The following PCDHGB5 variants were observed in gnomAD, a reference collection of about 807,000 sequenced individuals.
The protein encoded by PCDHGB5 is protocadherin gamma-B5.
Under a neutral mutation model 62.9 loss-of-function variants are expected in PCDHGB5, and 48 were observed. The ratio of observed to expected loss-of-function variants is 0.76; its 90% CI spans 0.61 to 0.97. PCDHGB5 has a LOEUF of 0.97. Among genes scored for constraint, PCDHGB5 ranks in the 50% least tolerant of loss-of-function variants. The probability of loss-of-function intolerance (pLI) is 0.00; values close to 1 mark genes in which losing one functional copy is unlikely to be tolerated. For missense variants in PCDHGB5, 1,118 were observed against 1,198.6 expected, an observed-to-expected ratio of 0.93 and a Z score of 0.99; for synonymous variants, 474 against 511.2, an observed-to-expected ratio of 0.93 and a Z score of 0.98.
intron 3 of PCDHGB5, among the ~76,000 whole-genome samples, chr5:141,508,646 G>A (rs1434098773): frequency 2.6e-5 from 4 of 152,014 alleles, no homozygotes; most frequent in African/African-American, 9.7e-5. Flanking sequence ...ACTCCGTCAG[G>A]CCCTTCCTGT....
intron 1 of PCDHGB5, chr5:141,404,979 G>A (rs771576875): frequency 6.2e-7 from 1 of 1,613,994 alleles, no homozygotes; most frequent in Non-Finnish European, 8.5e-7. Context: ...GCTGACCTGG[G>A]CAGTCTTCAG....
chr5:141,406,096 G>A (rs966441415), intron 1 of PCDHGB5, among the ~76,000 whole-genome samples: 1 of 150,800 alleles, frequency 6.6e-6, no homozygotes, highest in Non-Finnish European at 1.5e-5. Context: ...TTAAGAGATG[G>A]GGGTGTCATT....
At position 141,461,300 on chromosome 5, in the gene PCDHGB5, A is replaced by G. The variant is rs889981233; in HGVS notation, c.2398-33507A>G. Among the ~76,000 whole-genome samples, 10 of 152,106 alleles carry G rather than the reference A, an allele frequency of 6.6e-5. No individual in the cohort carries two copies. In the East Asian group the frequency reaches 1.4e-3, roughly 21 times the overall value. On this transcript the variant is annotated intron_variant, in intron 1 of 3. Transcript: ENST00000617380. The stretch of plus-strand genomic sequence containing the variant: ...TTTCCCCACATCCACACCAACATCT[A>G]TTGTTTTTTGACTTTTTAATAATGG...
intron 1 of PCDHGB5, among the ~76,000 whole-genome samples, chr5:141,434,345 G>C (rs1254991411): frequency 1.3e-5 from 2 of 152,144 alleles, no homozygotes; most frequent in African/African-American, 4.8e-5. Flanking sequence ...GTCGGGAACA[G>C]GCCCCCCAAA....
In PCDHGB5 at chr5:141,419,702, G is replaced by A. The variant is rs116279995; in HGVS notation, c.2397+19178G>A. 1.9e-3 allele frequency: 3,028 copies of A among 1,612,950 alleles called. 48 individuals are homozygous for A. In the African/African-American group the frequency reaches 0.033, roughly 18 times the overall value. The stretch of plus-strand genomic sequence containing the variant: ...CCACGTGGTGCAGGCCAGTGAGCCC[G>A]GGCTCTTCAGCCTGGGGCTGCGAAC... On this transcript the variant is annotated intron_variant, in intron 1 of 3. Transcript: ENST00000617380.
chr5:141,431,767 T>C lies in PCDHGB5; in HGVS notation c.2397+31243T>C. The C allele has an allele frequency of 1.2e-6, 2 of 1,614,224 alleles. No homozygotes were observed. Among genetic ancestry groups the C allele is most frequent in the Non-Finnish European group, 1.7e-6 (2 of 1,180,034 alleles). ...CTGCGCGAGCCAAAGTCCTGATCAC[T>C]GTTCTGGACGTGAACGACAATGCCC... On this transcript the variant is annotated intron_variant, in intron 1 of 3. Coordinates refer to ENST00000617380, the MANE Select transcript of PCDHGB5 (RefSeq NM_018925.3). This position sits in a 1 kb window ranked among gnomAD's most constrained non-coding sequence, Gnocchi z 4.8.
At chr5:141,401,833 TATA>T (rs947293983) in intron 1 of PCDHGB5, among the ~76,000 whole-genome samples, 12 of 152,238 alleles carry the variant, frequency 7.9e-5, no homozygotes, top group African/African-American at 2.9e-4. Context: ...TGAGATTTCT[TATA>T]ATACCACTTA....
At chr5:141,473,801 T>C (rs1593456345) in intron 1 of PCDHGB5, among the ~76,000 whole-genome samples, 1 of 152,226 alleles carries the variant, frequency 6.6e-6, no homozygotes, top group East Asian at 1.9e-4. Flanking sequence ...ATGATGCTAC[T>C]GAGGAGCAGC....
intron 1 of PCDHGB5, chr5:141,417,612 T>C: frequency 1.6e-6 from 1 of 617,852 alleles, no homozygotes; most frequent in Non-Finnish European, 2.6e-6. Flanking sequence ...CGTCGGCCAG[T>C]GCAGAGCAAG....
chr5:141,432,094 C>G lies in PCDHGB5; in HGVS notation c.2397+31570C>G. On this transcript the variant is annotated intron_variant, in intron 1 of 3. Transcript: ENST00000617380. This position sits in a 1 kb window ranked among gnomAD's most constrained non-coding sequence, Gnocchi z 6.0. ...ATATCTCGCTGAACGTGGCAGACAC[C>G]AACGACAACCCGCCGGTCTTCCCTC... The G allele has an allele frequency of 6.2e-7, 1 of 1,614,178 alleles. No homozygotes were observed. The highest frequency in any genetic ancestry group is 8.5e-7 in the Non-Finnish European group (1 of 1,180,046).
intron 1 of PCDHGB5, among the ~76,000 whole-genome samples, chr5:141,435,478 C>A (rs1279447863): frequency 6.6e-6 from 1 of 152,146 alleles, no homozygotes; most frequent in Non-Finnish European, 1.5e-5. Flanking sequence ...TTAGACATTT[C>A]TTTTGCCCAT....
In PCDHGB5 at chr5:141,477,229, C is replaced by G. The variant is rs1376731101; in HGVS notation, c.2398-17578C>G. The G allele has an allele frequency of 6.2e-7, 1 of 1,614,222 alleles. No homozygotes were observed. The highest frequency in any genetic ancestry group is 8.5e-7 in the Non-Finnish European group (1 of 1,180,052). On this transcript the variant is annotated intron_variant, in intron 1 of 3. Transcript: ENST00000617380. This position sits in a 1 kb window ranked among gnomAD's most constrained non-coding sequence, Gnocchi z 4.9. ...AGGATGCCCCTCTGGGGACTGTCAT[C>G]GCTTTGCTCAGTGTGACTGACCTGG...
chr5:141,415,966 C>G, intron 1 of PCDHGB5: 1 of 405,604 alleles, frequency 2.5e-6, no homozygotes, highest in Non-Finnish European at 4.0e-6. Flanking sequence ...AAACTCCAGC[C>G]CCTTAAGCAA....
rs765535731 is a variant in PCDHGB5, at chr5:141,427,976, G to T, written c.2397+27452G>T. On this transcript the variant is annotated intron_variant, in intron 1 of 3. Transcript: ENST00000617380. ...ATGTGCCGCGGGTGCTGTACCCCGC[G>T]CTGGGGCCCGATGGCTCCGCACTCT... 1.1e-5 allele frequency: 17 copies of T among 1,594,884 alleles called. No individual in the cohort carries two copies. The East Asian group carries it at 1.6e-4, about 15-fold the overall frequency.
chr5:141,402,845 C>T (rs1273253699), intron 1 of PCDHGB5: 3 of 1,405,122 alleles, frequency 2.1e-6, no homozygotes, highest in Non-Finnish European at 2.8e-6. Flanking sequence ...AAAACTCAGC[C>T]TCTTTCTTCT....
At position 141,410,845 on chromosome 5, in the gene PCDHGB5, TTGTC is replaced by T. The variant is rs1434874838; in HGVS notation, c.2397+10323_2397+10326del. 23 of 429,726 alleles carry T rather than the reference TTGTC, an allele frequency of 5.4e-5. 1 individual carries two copies. Among genetic ancestry groups the T allele is most frequent in the Admixed American group, 8.8e-5 (2 of 22,654 alleles). The allele number at this position is 429,726 out of a possible 1,614,324, so 26.6% of individuals were successfully genotyped here. A position where few individuals can be genotyped will look rare whatever the true frequency, so the allele number is the denominator to read the frequency against. Reference sequence around the variant, plus strand: ...TCACCAGACTGAAGATATTTTGTCTTTGTCTTTTTTTTTTTTTTTTTTTTTTGAG... The same window carrying T: ...TCACCAGACTGAAGATATTTTGTCTTTTTTTTTTTTTTTTTTTTTTTTGAG... On this transcript the variant is annotated intron_variant, in intron 1 of 3. Transcript: ENST00000617380.
chr5:141,498,105 G>C (rs150297456), intron 2 of PCDHGB5, among the ~76,000 whole-genome samples: 1 of 152,324 alleles, frequency 6.6e-6, no homozygotes, highest in East Asian at 1.9e-4. Flanking sequence ...TGGTGTGGGC[G>C]TATAATAGGG....
chr5:141,482,661 T>A (rs1215403061), intron 1 of PCDHGB5, among the ~76,000 whole-genome samples: 2 of 151,742 alleles, frequency 1.3e-5, no homozygotes, highest in African/African-American at 4.9e-5. Flanking sequence ...TGAGCTATGA[T>A]CTAAAGGTTG....
chr5:141,427,982 G>T, intron 1 of PCDHGB5: 1 of 1,596,752 alleles, frequency 6.3e-7, no homozygotes, highest in African/African-American at 1.3e-5. Flanking sequence ...CCGCGCTGGG[G>T]CCCGATGGCT....
Sources: gnomAD v4.1 joint callset for allele counts (sites outside exome capture counted in the v4.1 genomes callset) on GRCh38, gnomAD v4.1.1 for gene constraint, Gnocchi (gnomAD v3.1) non-coding constraint, MANE v1.5 for transcripts, NCBI Gene and HGNC (gene_info 2026-07-23, HGNC 2026-07-21) for gene names.